Variants in ATXN1 observed in about 807,000 individuals in gnomAD.
The protein encoded by ATXN1 is ataxin-1.
Under a neutral mutation model 56.4 loss-of-function variants are expected in ATXN1, and 8 were observed. The ratio of observed to expected loss-of-function variants is 0.14; its 90% confidence interval spans 0.08 to 0.26. The LOEUF is 0.26. Among genes scored for constraint, ATXN1 ranks in the 10% least tolerant of loss-of-function variants. ATXN1 has a pLI of 1.00. For missense variants in ATXN1, 987 were observed against 1,106.5 expected, an observed-to-expected ratio of 0.89 and a Z score of 1.53; for synonymous variants, 514 against 494.6, an observed-to-expected ratio of 1.04 and a Z score of -0.52.
intron 4 of ATXN1, among the ~76,000 whole-genome samples, chr6:16,562,458 G>GGAAATGAA (rs1561756150): frequency 5.8e-5 from 3 of 51,800 alleles, no homozygotes; most frequent in South Asian, 5.0e-4. Flanking sequence ...AAGAAAAGGA[G>GGAAATGAA]AGGAGAGGAG....
chr6:16,681,493 A>C (rs918961026), intron 2 of ATXN1, among the ~76,000 whole-genome samples: 2 of 152,246 alleles, frequency 1.3e-5, no homozygotes, highest in African/African-American at 4.8e-5. Flanking sequence ...TAGGACGATA[A>C]TTTGGCACTC....
intron 6 of ATXN1, among the ~76,000 whole-genome samples, chr6:16,445,058 T>C (rs1680592409): frequency 6.6e-6 from 1 of 152,080 alleles, no homozygotes; most frequent in Non-Finnish European, 1.5e-5. Context: ...AAGACATAGG[T>C]GATACCGAGT....
At chr6:16,512,819 A>G (rs1020811252) in intron 5 of ATXN1, among the ~76,000 whole-genome samples, 3 of 152,222 alleles carry the variant, frequency 2.0e-5, no homozygotes, top group Non-Finnish European at 4.4e-5. Flanking sequence ...AGAATGGCTT[A>G]GACCCTCTAC....
intron 4 of ATXN1, among the ~76,000 whole-genome samples, chr6:16,578,172 T>C (rs1468329781): frequency 1.3e-5 from 2 of 152,252 alleles, no homozygotes; most frequent in African/African-American, 2.4e-5. Flanking sequence ...TCTAAATTTT[T>C]TGGTAACGTT....
intron 6 of ATXN1, among the ~76,000 whole-genome samples, chr6:16,402,002 A>T (rs1475635996): frequency 6.6e-6 from 1 of 152,208 alleles, no homozygotes; most frequent in Non-Finnish European, 1.5e-5. Context: ...CAGGCAAAAA[A>T]TGAGAGAGAG....
intron 3 of ATXN1, among the ~76,000 whole-genome samples, chr6:16,612,284 A>C (rs532294326): frequency 9.2e-5 from 14 of 152,180 alleles, no homozygotes; most frequent in Non-Finnish European, 1.9e-4. Flanking sequence ...GGGCTCATGG[A>C]ACATTAACAA....
chr6:16,612,609 G>C (rs1159619778), intron 3 of ATXN1, among the ~76,000 whole-genome samples: 2 of 152,026 alleles, frequency 1.3e-5, no homozygotes, highest in Non-Finnish European at 2.9e-5. Context: ...TTAGAAAAGG[G>C]GGTGGGACAC....
intron 6 of ATXN1, among the ~76,000 whole-genome samples, chr6:16,394,673 TA>T (rs1758417779): frequency 6.6e-6 from 1 of 152,190 alleles, no homozygotes. Flanking sequence ...TTTAAGTAAC[TA>T]AAAAGTTGAA....
At chr6:16,688,647 G>C (rs1291749231) in intron 2 of ATXN1, among the ~76,000 whole-genome samples, 2 of 152,190 alleles carry the variant, frequency 1.3e-5, no homozygotes, top group East Asian at 3.8e-4. Flanking sequence ...ACCCAAAACA[G>C]GGTAATTGTG....
chr6:16,347,227 C>T (rs377715610), intron 6 of ATXN1, among the ~76,000 whole-genome samples: 4 of 152,246 alleles, frequency 2.6e-5, no homozygotes, highest in South Asian at 4.1e-4. Context: ...GGAGTGCGGG[C>T]GCACGGCACT....
In ATXN1 at chr6:16,395,381, A is replaced by G. The variant is rs564671639; in HGVS notation, c.-160-66911T>C. On this transcript the variant is annotated intron_variant, in intron 6 of 7. Transcript: ENST00000436367. ...ACTGAGGTTAATTACATCTACTTGT[A>G]TAGTGGATATAAAGTCATGCACCAC... is the stretch of plus-strand genomic sequence containing the variant. Among the ~76,000 whole-genome samples the G allele has an allele frequency of 3.5e-3, 539 of 151,956 alleles. 4 individuals carry two copies. Among genetic ancestry groups the G allele is most frequent in the Non-Finnish European group, 5.2e-3 (355 of 67,978 alleles).
intron 6 of ATXN1, among the ~76,000 whole-genome samples, chr6:16,369,984 T>G (rs1762005672): frequency 6.6e-6 from 1 of 152,156 alleles, no homozygotes; most frequent in African/African-American, 2.4e-5. Flanking sequence ...CGAGCCAACA[T>G]AAAGAGAACA....
At chr6:16,630,572 T>C (rs1229151506) in intron 3 of ATXN1, among the ~76,000 whole-genome samples, 2 of 152,190 alleles carry the variant, frequency 1.3e-5, no homozygotes, top group Non-Finnish European at 2.9e-5. Flanking sequence ...CTGCAAGTCA[T>C]CATCTGCTCA....
intron 5 of ATXN1, among the ~76,000 whole-genome samples, chr6:16,498,507 G>A (rs966487766): frequency 1.3e-5 from 2 of 152,176 alleles, no homozygotes; most frequent in Non-Finnish European, 2.9e-5. Flanking sequence ...GTATACCTAA[G>A]AGCAGAACTA....
intron 2 of ATXN1, among the ~76,000 whole-genome samples, chr6:16,680,061 C>T (rs1022259264): frequency 2.0e-5 from 3 of 152,172 alleles, no homozygotes; most frequent in Admixed American, 6.5e-5. Flanking sequence ...GCCCAATACA[C>T]CTTTATTTTT....
chr6:16,618,919 A>G (rs1292776493), intron 3 of ATXN1, among the ~76,000 whole-genome samples: 2 of 152,188 alleles, frequency 1.3e-5, no homozygotes, highest in Non-Finnish European at 2.9e-5. Flanking sequence ...CCTTAATACA[A>G]AATAAATACA....
chr6:16,348,640 A>T (rs567943104), intron 6 of ATXN1, among the ~76,000 whole-genome samples: 4 of 152,266 alleles, frequency 2.6e-5, no homozygotes, highest in South Asian at 4.2e-4. Context: ...GGTTGCAGCG[A>T]ACCAAGATTG....
intron 5 of ATXN1, among the ~76,000 whole-genome samples, chr6:16,492,586 GTTTAA>G (rs1025265701): frequency 1.1e-4 from 16 of 149,244 alleles, no homozygotes; most frequent in South Asian, 6.4e-4. Context: ...ATCACTTTGA[GTTTAA>G]TTTGTCTATT....
At chr6:16,516,408 G>A (rs1228606226) in intron 5 of ATXN1, among the ~76,000 whole-genome samples, 3 of 152,188 alleles carry the variant, frequency 2.0e-5, no homozygotes, top group Non-Finnish European at 4.4e-5. Flanking sequence ...GACATAGCAG[G>A]TGACAAGTGT....
Sources: gnomAD v4.1 joint callset for allele counts (sites outside exome capture counted in the v4.1 genomes callset) on GRCh38, gnomAD v4.1.1 for gene constraint, MANE v1.5 for transcripts, NCBI Gene and HGNC (gene_info 2026-07-23, HGNC 2026-07-21) for gene names.